Variants in PIK3C2G observed in about 807,000 individuals in gnomAD.
PIK3C2G encodes phosphatidylinositol-4-phosphate 3-kinase catalytic subunit type 2 gamma, also known as phosphatidylinositol 3-kinase C2 domain-containing subunit gamma.
Under a neutral mutation model 181.1 loss-of-function variants are expected in PIK3C2G, and 168 were observed. The observed-to-expected ratio is 0.93, with a 90% confidence interval of 0.82 to 1.05. PIK3C2G has a LOEUF of 1.05. Among genes scored for constraint, PIK3C2G ranks in the 50% least tolerant of loss-of-function variants. The probability of loss-of-function intolerance (pLI) is 0.00; values close to 1 mark genes in which losing one functional copy is unlikely to be tolerated. For synonymous variants in PIK3C2G, 573 were observed against 592.2 expected (o/e 0.97, Z 0.47); for missense variants, 1,869 against 1,732.8 (o/e 1.08, Z -1.40).
At chr12:18,528,996 G>A (rs115994224) in intron 24 of PIK3C2G, among the ~76,000 whole-genome samples, 17 of 152,122 alleles carry the variant, frequency 1.1e-4, no homozygotes, top group African/African-American at 4.1e-4. Context: ...ACAGAGAGAA[G>A]TCTTAGTTGT....
chr12:18,627,223 G>T (rs1370369413), intron 31 of PIK3C2G, among the ~76,000 whole-genome samples: 1 of 151,812 alleles, frequency 6.6e-6, no homozygotes, highest in African/African-American at 2.4e-5. Context: ...TATTTTTGGG[G>T]TTTTAAAATC....
chr12:18,496,130 C>CA lies in PIK3C2G; in HGVS notation c.2867dup (p.Asn956LysfsTer7). ...CTTTCATCAATGCTAATCCGATGGGCAAAAACATCAGCATTATTTTTAAGG... is the reference window on the plus strand; with the variant it reads ...CTTTCATCAATGCTAATCCGATGGGCAAAAAACATCAGCATTATTTTTAAGG... On this transcript the variant is annotated frameshift_variant, in exon 21 of 33. Coordinates refer to ENST00000538779, the MANE Select transcript of PIK3C2G (RefSeq NM_001288772.2). LOFTEE classifies it high-confidence loss of function. 6.5e-7 allele frequency: 1 copy of CA among 1,533,260 alleles called. No homozygotes were observed. Among genetic ancestry groups the CA allele is most frequent in the Non-Finnish European group, 8.8e-7 (1 of 1,134,188 alleles). The allele number at this position is 1,533,260 out of a possible 1,614,324, so 95.0% of individuals were successfully genotyped here.
the PIK3C2G span, among the ~76,000 whole-genome samples, chr12:18,702,691 T>C: frequency 6.6e-6 from 1 of 152,134 alleles, no homozygotes; most frequent in African/African-American, 2.4e-5. Flanking sequence ...AAGGGACAAA[T>C]TCCTAGGATC....
At chr12:18,412,766 C>T (rs563873333) in intron 16 of PIK3C2G, among the ~76,000 whole-genome samples, 1 of 152,184 alleles carries the variant, frequency 6.6e-6, no homozygotes, top group East Asian at 1.9e-4. Context: ...TAAAAATGTC[C>T]TGATACCCAG....
Position 18,385,607 on chromosome 12 carries a change from C to G in PIK3C2G, c.1995+3727C>G, listed in dbSNP as rs546378675. Reference sequence around the variant, plus strand: ...ATTTGGAGATGAATTCTCACTCTGTCGCCCAGGCTGGAGTGCAGTGGCGCG... The same window carrying G: ...ATTTGGAGATGAATTCTCACTCTGTGGCCCAGGCTGGAGTGCAGTGGCGCG... On this transcript the variant is annotated intron_variant, in intron 14 of 32. Transcript: ENST00000538779. Among the ~76,000 whole-genome samples, 6 of 152,162 alleles carry G rather than the reference C, an allele frequency of 3.9e-5. No individual in the cohort carries two copies. In the South Asian group the frequency reaches 1.0e-3, roughly 26 times the overall value.
At chr12:18,526,552 G>A (rs12312563) in intron 24 of PIK3C2G, among the ~76,000 whole-genome samples, 4 of 152,158 alleles carry the variant, frequency 2.6e-5, no homozygotes, top group Non-Finnish European at 5.9e-5. Flanking sequence ...GAGAGGGTAC[G>A]ATTTTTCTAA....
intron 5 of PIK3C2G, 129 bp from the exon 6 acceptor site, chr12:18,313,833 C>T (rs1950744327): frequency 3.4e-6 from 2 of 589,078 alleles, no homozygotes; most frequent in Non-Finnish European, 6.0e-6. Flanking sequence ...CACACACGCA[C>T]ACACACGCAC....
intron 18 of PIK3C2G, among the ~76,000 whole-genome samples, chr12:18,483,121 C>T (rs1939717469): frequency 6.6e-6 from 1 of 152,134 alleles, no homozygotes; most frequent in Non-Finnish European, 1.5e-5. Flanking sequence ...CATCCAAAGC[C>T]ATTGGCCCCT....
At chr12:18,428,401 T>A (rs1387512091) in intron 18 of PIK3C2G, among the ~76,000 whole-genome samples, 1 of 151,768 alleles carries the variant, frequency 6.6e-6, no homozygotes, top group Non-Finnish European at 1.5e-5. Flanking sequence ...CGTGGATGAA[T>A]TACTGCTTCC....
In PIK3C2G at chr12:18,538,157, G is replaced by T; in HGVS notation, c.3325G>T (p.Asp1109Tyr). 1 of 1,610,276 alleles carries T rather than the reference G, an allele frequency of 6.2e-7. No individual in the cohort carries two copies. Among genetic ancestry groups the T allele is most frequent in the Non-Finnish European group, 8.5e-7 (1 of 1,178,228 alleles). The part of the protein sequence containing the change: ...HAQTFGGIKR[D>Y]RAPFIFTSEM... ...ATTGCTACTGTTTTTGGTTTACAGG[G>T]ACCGAGCTCCTTTCATTTTTACTTC... Residue 1109 changes from aspartate (D) to tyrosine (Y), a missense_variant and splice_region_variant, in exon 25 of 33, where the codon GAC becomes TAC. By Grantham distance (160) the Asp-to-Tyr change is radical (BLOSUM62 -3). Coordinates refer to ENST00000538779, the MANE Select transcript of PIK3C2G (RefSeq NM_001288772.2).
the PIK3C2G span, chr12:18,701,807 A>T: frequency 6.4e-7 from 1 of 1,573,136 alleles, no homozygotes; most frequent in Non-Finnish European, 8.6e-7. Context: ...ATACAATTAC[A>T]CATTTACAAG....
chr12:18,380,184 T>C (rs897620374), intron 13 of PIK3C2G, among the ~76,000 whole-genome samples: 2 of 152,150 alleles, frequency 1.3e-5, no homozygotes, highest in Non-Finnish European at 2.9e-5. Context: ...CTGGGACGCC[T>C]ATGTCCGCCG....
chr12:18,696,109 A>T, the PIK3C2G span: 331 of 1,064,920 alleles, frequency 3.1e-4, 7 homozygotes, highest in South Asian at 4.3e-3. Context: ...AATTCATTTT[A>T]TGTTACTTCT....
chr12:18,561,493 G>GGCC (rs1181852069), intron 26 of PIK3C2G, among the ~76,000 whole-genome samples: 1 of 152,072 alleles, frequency 6.6e-6, no homozygotes, highest in Non-Finnish European at 1.5e-5. Flanking sequence ...AATAAAAAAA[G>GGCC]GAAGTAGGGG....
chr12:18,281,447 C>T (rs1949214945), intron 1 of PIK3C2G, among the ~76,000 whole-genome samples: 1 of 151,858 alleles, frequency 6.6e-6, no homozygotes, highest in Non-Finnish European at 1.5e-5. Flanking sequence ...AATTTACTAA[C>T]ATAAAGTCAG....
intron 26 of PIK3C2G, among the ~76,000 whole-genome samples, chr12:18,554,752 T>G (rs1385480042): frequency 6.6e-6 from 1 of 152,056 alleles, no homozygotes; most frequent in Non-Finnish European, 1.5e-5. Context: ...AAAGCACTGG[T>G]CATATATTTC....
intron 31 of PIK3C2G, among the ~76,000 whole-genome samples, chr12:18,623,894 A>ACTTCG (rs1432965992): frequency 1.3e-5 from 2 of 151,746 alleles, no homozygotes; most frequent in Admixed American, 6.6e-5. Flanking sequence ...GTACCCTACA[A>ACTTCG]CTTCGCTGAA....
chr12:18,383,771 G>C (rs1942988080), intron 14 of PIK3C2G, among the ~76,000 whole-genome samples: 1 of 151,686 alleles, frequency 6.6e-6, no homozygotes, highest in African/African-American at 2.4e-5. Flanking sequence ...AAAACAGGAA[G>C]ATCGGATATG....
chr12:18,725,868 T>A, the PIK3C2G span, among the ~76,000 whole-genome samples: 1,187 of 152,266 alleles, frequency 7.8e-3, 17 homozygotes, highest in African/African-American at 0.028. Flanking sequence ...TCACCCACTC[T>A]AGAAATCTTC....
Sources: gnomAD v4.1 joint callset for allele counts (sites outside exome capture counted in the v4.1 genomes callset) on GRCh38, gnomAD v4.1.1 for gene constraint, MANE v1.5 for transcripts, NCBI Gene and HGNC (gene_info 2026-07-23, HGNC 2026-07-21) for gene names.